MBNL1: variants seen among roughly 807,000 people sequenced by gnomAD.
The protein encoded by MBNL1 is muscleblind-like protein 1.
Under a neutral mutation model 42.2 loss-of-function variants are expected in MBNL1, and 8 were observed. The observed-to-expected ratio is 0.19, with a 90% CI of 0.11 to 0.34. The LOEUF (loss-of-function observed/expected upper bound fraction) is 0.34. Among genes scored for constraint, MBNL1 ranks in the 10% least tolerant of loss-of-function variants. The probability of loss-of-function intolerance (pLI) is 1.00; values close to 1 mark genes in which losing one functional copy is unlikely to be tolerated. For missense variants in MBNL1, 309 were observed against 495.3 expected (o/e 0.62, Z 3.57); for synonymous variants, 169 against 173.9 (o/e 0.97, Z 0.22).
chr3:152,345,072 C>G (rs2094008241), intron 2 of MBNL1, among the ~76,000 whole-genome samples: 1 of 152,010 alleles, frequency 6.6e-6, no homozygotes, highest in Non-Finnish European at 1.5e-5. Flanking sequence ...TTTTACTTCA[C>G]TTACCCTGGG....
intron 4 of MBNL1, among the ~76,000 whole-genome samples, chr3:152,443,533 G>A (rs1028463865): frequency 3.6e-5 from 4 of 112,426 alleles, no homozygotes; most frequent in Non-Finnish European, 7.6e-5. Context: ...TTTAATGTAG[G>A]CACATCACTC....
chr3:152,259,860 G>A (rs996454974), intron 2 of MBNL1, among the ~76,000 whole-genome samples: 2 of 152,180 alleles, frequency 1.3e-5, no homozygotes, highest in East Asian at 1.9e-4. Context: ...ATAAAAAAGG[G>A]AGAGAGCAAT....
At chr3:152,295,815 G>A (rs2058313203) in intron 1 of MBNL1, among the ~76,000 whole-genome samples, 2 of 152,198 alleles carry the variant, frequency 1.3e-5, no homozygotes, top group African/African-American at 4.8e-5. Context: ...AGTCCCAGGA[G>A]CTCACACATG....
chr3:152,419,967 C>T (rs1163562148), intron 3 of MBNL1, among the ~76,000 whole-genome samples: 1 of 152,154 alleles, frequency 6.6e-6, no homozygotes, highest in African/African-American at 2.4e-5. Flanking sequence ...GGTTTCCCCT[C>T]ACGATGTAAA....
intron 3 of MBNL1, among the ~76,000 whole-genome samples, chr3:152,418,891 T>C (rs1053939052): frequency 2.0e-5 from 3 of 151,946 alleles, no homozygotes. Flanking sequence ...TAATTTTTTA[T>C]AGTTTTTGTA....
chr3:152,450,305 A>C (rs961388740), intron 6 of MBNL1, among the ~76,000 whole-genome samples: 1 of 152,184 alleles, frequency 6.6e-6, no homozygotes. Flanking sequence ...TAGTGACTCC[A>C]TGATTATTTT....
Position 152,414,925 on chromosome 3 carries a change from G to A in MBNL1, c.175-16G>A. On this transcript the variant is annotated splice_polypyrimidine_tract_variant and intron_variant, in intron 2 of 9. Coordinates refer to ENST00000324210, the MANE Select transcript of MBNL1 (RefSeq NM_021038.5). ...ATTCTTTTCTAAGATGATGTTTGCT[G>A]CTTTTGTTTCTCTAGGGCCGTTGCT... is the stretch of plus-strand genomic sequence containing the variant. 6.2e-7 allele frequency: 1 copy of A among 1,606,764 alleles called. No homozygotes were observed. Among genetic ancestry groups the A allele is most frequent in the Non-Finnish European group, 8.5e-7 (1 of 1,177,806 alleles).
chr3:152,398,321 A>C (rs1481219362), intron 2 of MBNL1, among the ~76,000 whole-genome samples: 1 of 152,116 alleles, frequency 6.6e-6, no homozygotes, highest in Non-Finnish European at 1.5e-5. Flanking sequence ...AGTGCATGTA[A>C]TATATTAGTA....
intron 2 of MBNL1, among the ~76,000 whole-genome samples, chr3:152,402,777 G>A (rs2098281427): frequency 6.6e-6 from 1 of 152,144 alleles, no homozygotes; most frequent in South Asian, 2.1e-4. Flanking sequence ...AGATGCAAAA[G>A]GAATGTTTGA....
intron 1 of MBNL1, among the ~76,000 whole-genome samples, chr3:152,285,129 G>T (rs759877284): frequency 6.6e-6 from 1 of 152,074 alleles, no homozygotes; most frequent in Non-Finnish European, 1.5e-5. Flanking sequence ...ATATTCAGGG[G>T]TTTCTCCTTC....
intron 2 of MBNL1, among the ~76,000 whole-genome samples, chr3:152,256,156 C>A (rs1343701570): frequency 6.6e-6 from 1 of 152,130 alleles, no homozygotes; most frequent in African/African-American, 2.4e-5. Flanking sequence ...ACAGGAATTA[C>A]TACATAGGTA....
intron 2 of MBNL1, among the ~76,000 whole-genome samples, chr3:152,312,294 A>G (rs2067184457): frequency 6.6e-6 from 1 of 152,138 alleles, no homozygotes; most frequent in Admixed American, 6.6e-5. Flanking sequence ...GGAACAGTTC[A>G]TTTGGATGAA....
intron 2 of MBNL1, among the ~76,000 whole-genome samples, chr3:152,354,083 A>G (rs1190602340): frequency 6.6e-6 from 1 of 152,210 alleles, no homozygotes; most frequent in Non-Finnish European, 1.5e-5. Context: ...GGTCTGAACA[A>G]TAGCTTTTAT....
At chr3:152,426,822 A>G (rs1333697149) in intron 3 of MBNL1, among the ~76,000 whole-genome samples, 4 of 152,222 alleles carry the variant, frequency 2.6e-5, no homozygotes, top group African/African-American at 9.7e-5. Context: ...GAATAGAGAA[A>G]TTCAGTTTCT....
At chr3:152,395,761 A>G (rs1183361586) in intron 2 of MBNL1, among the ~76,000 whole-genome samples, 4 of 152,218 alleles carry the variant, frequency 2.6e-5, no homozygotes, top group African/African-American at 9.6e-5. Flanking sequence ...CCTCCCCTGA[A>G]CAAAGCCTTT....
intron 2 of MBNL1, among the ~76,000 whole-genome samples, chr3:152,342,368 C>G (rs1343954276): frequency 6.6e-6 from 1 of 152,102 alleles, no homozygotes; most frequent in East Asian, 1.9e-4. Flanking sequence ...GTCTCCTTCT[C>G]AGGGTTTTTA....
intron 2 of MBNL1, among the ~76,000 whole-genome samples, chr3:152,413,737 T>A (rs981994079): frequency 2.6e-5 from 4 of 152,206 alleles, no homozygotes; most frequent in Non-Finnish European, 1.5e-5. Context: ...TTTCTTTTAT[T>A]CTACTGCTTG....
intron 1 of MBNL1, among the ~76,000 whole-genome samples, chr3:152,272,746 A>G (rs1319023908): frequency 6.6e-6 from 1 of 152,174 alleles, no homozygotes; most frequent in East Asian, 1.9e-4. Context: ...ATTTCTATAC[A>G]TGGAGACACT....
At chr3:152,420,697 A>G (rs1451715363) in intron 3 of MBNL1, among the ~76,000 whole-genome samples, 2 of 152,248 alleles carry the variant, frequency 1.3e-5, no homozygotes, top group South Asian at 2.1e-4. Flanking sequence ...TCCAAAAACC[A>G]GATTGCCTCT....
Sources: allele counts gnomAD v4.1 joint callset (sites outside exome capture counted in the v4.1 genomes callset), GRCh38; gene constraint gnomAD v4.1.1; transcripts MANE v1.5; gene names NCBI Gene and HGNC (gene_info 2026-07-23, HGNC 2026-07-21).